The following FRMPD2 variants were observed in gnomAD, a reference collection of about 807,000 sequenced individuals.
FRMPD2 encodes the protein FERM and PDZ domain-containing protein 2.
FRMPD2 carries 96 observed loss-of-function variants against 140.1 expected under a neutral mutation model. That is an observed-to-expected ratio of 0.69 (90% CI 0.58 to 0.81). The LOEUF (loss-of-function observed/expected upper bound fraction) is 0.81. FRMPD2 is among the 40% of genes least tolerant of loss of function. The pLI, the probability that FRMPD2 is intolerant of heterozygous loss-of-function variation, is 0.00. For synonymous variants in FRMPD2, 449 were observed against 547.6 expected (o/e 0.82, Z 2.52); for missense variants, 1,240 against 1,447.4 (o/e 0.86, Z 2.32).
chr10:48,195,384 CAGA>C (rs545159605), intron 15 of FRMPD2, among the ~76,000 whole-genome samples: 33 of 152,222 alleles, frequency 2.2e-4, no homozygotes, highest in Non-Finnish European at 4.1e-4. Flanking sequence ...AGATAATTCA[CAGA>C]AGAATGACTA....
chr10:48,238,249 C>T, intron 7 of FRMPD2, 126 bp from the exon 8 acceptor site: 2 of 954,286 alleles, frequency 2.1e-6, no homozygotes, highest in Non-Finnish European at 3.1e-6. Flanking sequence ...CCTTCTCCCC[C>T]ACCTATGGGG....
At chr10:48,230,927 G>A (rs1839835114) in intron 10 of FRMPD2, among the ~76,000 whole-genome samples, 2 of 152,170 alleles carry the variant, frequency 1.3e-5, no homozygotes, top group Admixed American at 6.5e-5. Flanking sequence ...CTGGTCTAGT[G>A]CTTCGAAATG....
At chr10:48,159,219 A>T in intron 28 of FRMPD2, 1 of 456,048 alleles carries the variant, frequency 2.2e-6, no homozygotes, top group Non-Finnish European at 4.4e-6. Flanking sequence ...TAGTTTTGGC[A>T]GGTTGGATTT....
chr10:48,260,896 TG>T (rs61563940), intron 1 of FRMPD2, among the ~76,000 whole-genome samples: 152,111 of 152,318 alleles, frequency 1, 75,952 homozygotes, highest in Middle Eastern at 1. Context: ...ATGGAAAAGG[TG>T]GGGCAAGATG....
At chr10:48,230,187 G>C (rs1044760947) in intron 10 of FRMPD2, among the ~76,000 whole-genome samples, 4 of 152,080 alleles carry the variant, frequency 2.6e-5, no homozygotes, top group Non-Finnish European at 5.9e-5. Flanking sequence ...GTATACTCTT[G>C]TGAACAAAAT....
intron 9 of FRMPD2, among the ~76,000 whole-genome samples, chr10:48,233,496 C>T (rs1276742753): frequency 6.6e-6 from 1 of 152,164 alleles, no homozygotes; most frequent in Non-Finnish European, 1.5e-5. Flanking sequence ...CGCTTCTTTC[C>T]CTTGCAGAAA....
chr10:48,236,172 T>C (rs569917825), intron 9 of FRMPD2, among the ~76,000 whole-genome samples: 1 of 152,236 alleles, frequency 6.6e-6, no homozygotes, highest in Admixed American at 6.5e-5. Flanking sequence ...TGAAAAGGAC[T>C]TTGTTTCATT....
intron 1 of FRMPD2, among the ~76,000 whole-genome samples, chr10:48,256,361 A>G (rs1397395329): frequency 6.6e-6 from 1 of 152,166 alleles, no homozygotes; most frequent in African/African-American, 2.4e-5. Context: ...AGCATTTGTA[A>G]AGTGCTGGCT....
At chr10:48,187,154 T>C (rs773165813) in intron 17 of FRMPD2, 38 bp downstream of exon 17, 2 of 1,446,014 alleles carry the variant, frequency 1.4e-6, no homozygotes, top group Non-Finnish European at 9.6e-7. Flanking sequence ...TGCGTAGGGG[T>C]TCCTCCACCC....
rs1418004289 is a variant in FRMPD2, at chr10:48,185,644, G to T, written c.2268C>A (p.Gly756=). ...AGCTCTTCCTCCTATTATTCTTTGA[G>T]CCTAGAGGTAGAATCAGAGCACCAC... ...SGPPVQSMHA[G]SKNNRRKSFI... Residue 756 remains glycine (G), a splice_region_variant and synonymous_variant, in exon 18 of 29, where the codon GGC becomes GGA. Transcript: ENST00000374201. The T allele has an allele frequency of 2.5e-6, 4 of 1,612,156 alleles. No homozygotes were observed. The highest frequency in any genetic ancestry group is 4.5e-5 in the East Asian group (2 of 44,880).
chr10:48,179,678 T>C (rs1480624951), intron 21 of FRMPD2, among the ~76,000 whole-genome samples: 2 of 151,828 alleles, frequency 1.3e-5, no homozygotes, highest in East Asian at 3.9e-4. Flanking sequence ...GAAGCTAAGA[T>C]GAGTAGAAGA....
intron 9 of FRMPD2, 102 bp from the exon 10 acceptor site, chr10:48,232,391 T>A: frequency 2.6e-6 from 2 of 778,786 alleles, no homozygotes; most frequent in Non-Finnish European, 4.1e-6. Context: ...TTGTCTCATT[T>A]AATTGACAAC....
intron 9 of FRMPD2, among the ~76,000 whole-genome samples, chr10:48,235,478 T>C (rs918720381): frequency 1.3e-5 from 2 of 151,888 alleles, no homozygotes; most frequent in East Asian, 3.9e-4. Flanking sequence ...GACAGGGGGG[T>C]GCATGGAAGC....
At position 48,232,109 on chromosome 10, in the gene FRMPD2, G is replaced by A. The variant is rs749510428; in HGVS notation, c.1168+6C>T. The A allele has an allele frequency of 3.1e-6, 5 of 1,614,070 alleles. No individual in the cohort carries two copies. The highest frequency in any genetic ancestry group is 4.2e-6 in the Non-Finnish European group (5 of 1,179,946). ...GCCAGCTGTGAGCTGCCCAAGAGAT[G>A]CTTACTTTTCATATACGCCAAGCCA... On this transcript the variant is annotated splice_donor_region_variant and intron_variant, in intron 10 of 28. Transcript: ENST00000374201.
At chr10:48,273,718 G>T (rs888139575) in intron 1 of FRMPD2, among the ~76,000 whole-genome samples, 1 of 152,076 alleles carries the variant, frequency 6.6e-6, no homozygotes, top group Non-Finnish European at 1.5e-5. Flanking sequence ...GATCCTCTGG[G>T]CTGGGGGAGA....
chr10:48,210,403 T>C (rs1839293407), intron 13 of FRMPD2, among the ~76,000 whole-genome samples: 1 of 152,230 alleles, frequency 6.6e-6, no homozygotes, highest in South Asian at 2.1e-4. Flanking sequence ...AGCCTGGTAG[T>C]TTCTTTTACA....
At chr10:48,265,580 A>G (rs2131986194) in intron 1 of FRMPD2, among the ~76,000 whole-genome samples, 2 of 152,374 alleles carry the variant, frequency 1.3e-5, no homozygotes, top group South Asian at 4.1e-4. Context: ...ACTTTTCAAA[A>G]GAAGACATAC....
chr10:48,240,365 C>T lies in FRMPD2; in HGVS notation c.695G>A (p.Cys232Tyr), dbSNP rs757543071. Residue 232 changes from cysteine (C) to tyrosine (Y), a missense_variant, in exon 6 of 29, where the codon TGC (cysteine) becomes TAC (tyrosine). This residue lies in a region of FRMPD2 where 1,161 missense variants were observed against 1,055.9 expected (regional missense o/e 1.10). Coordinates refer to ENST00000374201, the MANE Select transcript of FRMPD2 (RefSeq NM_001018071.4). ...AAQAPECLHPCRVSERSTETQ... is the reference protein window; with the variant it reads ...AAQAPECLHPYRVSERSTETQ... Reference sequence around the variant, plus strand: ...TGCTTAGGGCACGTACCCACCTCTGCAAGGATGCAGACACTCCGGGGCCTG... The same window carrying T: ...TGCTTAGGGCACGTACCCACCTCTGTAAGGATGCAGACACTCCGGGGCCTG... 1.2e-6 allele frequency: 2 copies of T among 1,611,888 alleles called. No homozygotes were observed. Among genetic ancestry groups the T allele is most frequent in the South Asian group, 1.1e-5 (1 of 91,062 alleles).
rs1207647817 is a variant in FRMPD2, at chr10:48,251,547, C to A, written c.151+19G>T. ...CATACAACTCCCTGTGATTTGACTG[C>A]CCCCAAACACTCTCTTACCGTTGCG... On this transcript the variant is annotated intron_variant, in intron 2 of 28. Coordinates refer to ENST00000374201, the MANE Select transcript of FRMPD2 (RefSeq NM_001018071.4). 6.2e-7 allele frequency: 1 copy of A among 1,611,948 alleles called. No individual in the cohort carries two copies.
Sources: gnomAD v4.1 joint callset for allele counts (sites outside exome capture counted in the v4.1 genomes callset) on GRCh38, gnomAD v4.1.1 for gene constraint, gnomAD v4.1.1 regional missense constraint, MANE v1.5 for transcripts, NCBI Gene and HGNC (gene_info 2026-07-23, HGNC 2026-07-21) for gene names.